The following CTNNBL1 variants were observed in gnomAD, a reference collection of about 807,000 sequenced individuals.
CTNNBL1 encodes catenin beta like 1.
In CTNNBL1, 31 loss-of-function variants were observed where a neutral mutation model predicts 72.7. That is an observed-to-expected ratio of 0.43 (90% CI 0.32 to 0.58). The LOEUF (loss-of-function observed/expected upper bound fraction) is 0.58, where lower values mean the gene tolerates loss of function less well. Among genes scored for constraint, CTNNBL1 ranks in the 20% least tolerant of loss-of-function variants. The pLI, the probability that CTNNBL1 is intolerant of heterozygous loss-of-function variation, is 0.08. For synonymous variants in CTNNBL1, 240 were observed against 267.3 expected, an observed-to-expected ratio of 0.90 and a Z score of 1.00; for missense variants, 534 against 725.1, an observed-to-expected ratio of 0.74 and a Z score of 3.03.
At chr20:37,829,719 C>T (rs1486897658) in intron 11 of CTNNBL1, among the ~76,000 whole-genome samples, 2 of 152,152 alleles carry the variant, frequency 1.3e-5, no homozygotes, top group African/African-American at 4.8e-5. Flanking sequence ...TCCTTCAAGT[C>T]TTAACTCTGA....
At chr20:37,854,485 TGAG>T (rs1379405312) in intron 13 of CTNNBL1, among the ~76,000 whole-genome samples, 6 of 151,738 alleles carry the variant, frequency 4.0e-5, no homozygotes, top group Admixed American at 6.6e-5. Context: ...CCACTAGCCT[TGAG>T]GAGCTTGTTC....
At chr20:37,746,354 T>G in intron 3 of CTNNBL1, 114 bp from the exon 4 acceptor site, 1 of 1,052,770 alleles carries the variant, frequency 9.5e-7, no homozygotes, top group South Asian at 1.5e-5. Flanking sequence ...TACTTCTTGG[T>G]TGGTCTGTTG....
chr20:37,722,590 TTTCAAA>T (rs1377409663), intron 1 of CTNNBL1, among the ~76,000 whole-genome samples: 1 of 152,194 alleles, frequency 6.6e-6, no homozygotes, highest in Non-Finnish European at 1.5e-5. Context: ...CGTGCTTTCT[TTTCAAA>T]GTCCTGTATT....
chr20:37,866,058 C>T (rs182821083), intron 15 of CTNNBL1, among the ~76,000 whole-genome samples: 12 of 152,324 alleles, frequency 7.9e-5, no homozygotes, highest in Admixed American at 3.9e-4. Flanking sequence ...TTGGCATGTG[C>T]GTGGCTTGCG....
At chr20:37,757,327 T>C (rs1057207500) in intron 4 of CTNNBL1, among the ~76,000 whole-genome samples, 3 of 152,236 alleles carry the variant, frequency 2.0e-5, no homozygotes, top group African/African-American at 7.2e-5. Context: ...TCAGTGAACC[T>C]GTGGACTAAG....
At position 37,818,706 on chromosome 20, in the gene CTNNBL1, A is replaced by G. The variant is rs149288847; in HGVS notation, c.1213+15658A>G. On this transcript the variant is annotated intron_variant, in intron 11 of 15. Transcript: ENST00000361383. ...CTTGAACTCTAAAATCCTCAAAATC[A>G]GAATCACAGGAATCAGAATAACTTC... 9.0e-4 allele frequency among the ~76,000 whole-genome samples: 137 copies of G among 152,354 alleles called. 2 individuals carry two copies. Among genetic ancestry groups the G allele is most frequent in the African/African-American group, 3.1e-3 (128 of 41,580 alleles).
chr20:37,849,478 C>G (rs1219463565), intron 13 of CTNNBL1, among the ~76,000 whole-genome samples: 1 of 152,224 alleles, frequency 6.6e-6, no homozygotes. Flanking sequence ...CTCAAACCTT[C>G]TAGACATTGG....
chr20:37,740,138 A>G (rs914954257), intron 3 of CTNNBL1, among the ~76,000 whole-genome samples: 2 of 152,202 alleles, frequency 1.3e-5, no homozygotes, highest in African/African-American at 4.8e-5. Flanking sequence ...CAAAATGTAT[A>G]TACTATTTTA....
intron 15 of CTNNBL1, among the ~76,000 whole-genome samples, chr20:37,865,594 C>T (rs1041447051): frequency 1.1e-4 from 17 of 152,158 alleles, no homozygotes; most frequent in African/African-American, 4.1e-4. Flanking sequence ...GGCAGCTACG[C>T]ATGGGCATTG....
chr20:37,724,625 A>G (rs1212752337), intron 1 of CTNNBL1, among the ~76,000 whole-genome samples: 1 of 152,108 alleles, frequency 6.6e-6, no homozygotes, highest in Non-Finnish European at 1.5e-5. Context: ...CAAACTTAAG[A>G]TAGATGACTG....
intron 2 of CTNNBL1, among the ~76,000 whole-genome samples, chr20:37,736,437 A>T (rs2073172364): frequency 6.6e-6 from 1 of 152,216 alleles, no homozygotes. Flanking sequence ...ATGTATAGCA[A>T]AGGATGACAA....
chr20:37,771,182 A>G (rs1046157746), intron 7 of CTNNBL1, among the ~76,000 whole-genome samples: 9 of 152,248 alleles, frequency 5.9e-5, no homozygotes, highest in Non-Finnish European at 1.2e-4. Context: ...TAAAGAGGTT[A>G]TAGCAGTGGG....
At chr20:37,820,842 GA>G (rs1190482304) in intron 11 of CTNNBL1, among the ~76,000 whole-genome samples, 1 of 152,292 alleles carries the variant, frequency 6.6e-6, no homozygotes, top group Admixed American at 6.5e-5. Flanking sequence ...GCGTGAATGT[GA>G]ACTAATACAC....
intron 7 of CTNNBL1, among the ~76,000 whole-genome samples, chr20:37,776,169 A>G (rs140066211): frequency 7.2e-5 from 11 of 152,342 alleles, no homozygotes; most frequent in Admixed American, 2.0e-4. Context: ...CCCAGGGAGC[A>G]TACCTTACAT....
intron 4 of CTNNBL1, among the ~76,000 whole-genome samples, chr20:37,756,700 C>G (rs772652338): frequency 6.8e-6 from 1 of 146,086 alleles, no homozygotes; most frequent in African/African-American, 2.5e-5. Flanking sequence ...TGCAGTGACA[C>G]GATCATAGCT....
At chr20:37,710,508 C>T (rs2072927929) in intron 1 of CTNNBL1, among the ~76,000 whole-genome samples, 1 of 152,168 alleles carries the variant, frequency 6.6e-6, no homozygotes, top group Non-Finnish European at 1.5e-5. Context: ...TACTAGAAAT[C>T]ATTTTAGCCT....
chr20:37,858,969 C>G (rs944123940), intron 13 of CTNNBL1, among the ~76,000 whole-genome samples: 2 of 152,048 alleles, frequency 1.3e-5, no homozygotes, highest in Non-Finnish European at 2.9e-5. Context: ...GGACCTTTCT[C>G]CCCTGTGTTT....
At chr20:37,840,842 A>G (rs1160546369) in intron 12 of CTNNBL1, among the ~76,000 whole-genome samples, 1 of 152,106 alleles carries the variant, frequency 6.6e-6, no homozygotes, top group Non-Finnish European at 1.5e-5. Context: ...ACACAGTTAC[A>G]TGAGATTAGA....
intron 1 of CTNNBL1, among the ~76,000 whole-genome samples, chr20:37,697,987 C>T (rs2072807929): frequency 6.6e-6 from 1 of 152,134 alleles, no homozygotes; most frequent in Non-Finnish European, 1.5e-5. Context: ...TCCCCCTCAC[C>T]AAGAGCAAAT....
Sources: allele counts gnomAD v4.1 joint callset (sites outside exome capture counted in the v4.1 genomes callset), GRCh38; gene constraint gnomAD v4.1.1; transcripts MANE v1.5; gene names NCBI Gene and HGNC (gene_info 2026-07-23, HGNC 2026-07-21).